DARS1: variants seen among roughly 807,000 people sequenced by gnomAD.
The protein encoded by DARS1 is aspartate--tRNA ligase, cytoplasmic.
Under a neutral mutation model 68.8 loss-of-function variants are expected in DARS1, and 51 were observed. The observed-to-expected ratio is 0.74, with a 90% CI of 0.59 to 0.94. The LOEUF is 0.94. DARS1 is among the 40% of genes least tolerant of loss of function. The pLI, the probability that DARS1 is intolerant of heterozygous loss-of-function variation, is 0.00. For missense variants in DARS1, 607 were observed against 597.3 expected (o/e 1.02, Z -0.17); for synonymous variants, 203 against 190.4 (o/e 1.07, Z -0.55).
At chr2:135,943,282 TTTACA>T (rs1375394562) in intron 5 of DARS1, 91 bp downstream of exon 5, 14 of 1,477,282 alleles carry the variant, frequency 9.5e-6, no homozygotes, top group Non-Finnish European at 1.3e-5. Context: ...ACCTCAGTAT[TTTACA>T]TTAATTAGTA....
chr2:135,973,519 AG>A (rs1682430917), intron 3 of DARS1, among the ~76,000 whole-genome samples: 1 of 152,022 alleles, frequency 6.6e-6, no homozygotes, highest in Admixed American at 6.6e-5. Flanking sequence ...ATAGCAGAAC[AG>A]GGGGACTACA....
intron 7 of DARS1, among the ~76,000 whole-genome samples, chr2:135,930,246 C>T (rs1477454521): frequency 1.3e-5 from 2 of 152,078 alleles, no homozygotes; most frequent in African/African-American, 4.8e-5. Flanking sequence ...CCTAAACATT[C>T]AGGAAAAAAA....
At chr2:135,980,195 C>G (rs1356397597) in intron 2 of DARS1, among the ~76,000 whole-genome samples, 1 of 152,168 alleles carries the variant, frequency 6.6e-6, no homozygotes, top group African/African-American at 2.4e-5. Context: ...AAACAAAATA[C>G]TACATTCATC....
At chr2:135,981,673 G>GTTTTTTTTTTTTTT (rs1682635138) in intron 2 of DARS1, among the ~76,000 whole-genome samples, 2 of 145,948 alleles carry the variant, frequency 1.4e-5, no homozygotes, top group African/African-American at 5.3e-5. Flanking sequence ...AGAAATTTTG[G>GTTTTTTTTTTTTTT]CTTTTTTTTT....
intron 7 of DARS1, among the ~76,000 whole-genome samples, chr2:135,925,654 A>C: frequency 6.6e-6 from 1 of 152,230 alleles, no homozygotes; most frequent in Non-Finnish European, 1.5e-5. Context: ...AAAACAATAA[A>C]ACCATTTCAA....
intron 4 of DARS1, among the ~76,000 whole-genome samples, chr2:135,954,397 A>C (rs1011463574): frequency 1.3e-5 from 2 of 152,054 alleles, no homozygotes; most frequent in Non-Finnish European, 2.9e-5. Context: ...AAAAAAGACA[A>C]AAACAGTATT....
At chr2:135,923,357 T>A (rs1681146976) in intron 8 of DARS1, among the ~76,000 whole-genome samples, 1 of 152,174 alleles carries the variant, frequency 6.6e-6, no homozygotes, top group African/African-American at 2.4e-5. Context: ...TGGCACGATC[T>A]CGGCTCACTG....
At chr2:135,948,877 CAA>C (rs35323281) in intron 4 of DARS1, among the ~76,000 whole-genome samples, 15 of 132,112 alleles carry the variant, frequency 1.1e-4, no homozygotes, top group Non-Finnish European at 1.7e-4. Context: ...CTCCCGTCTC[CAA>C]AAAAAAAAAA....
chr2:135,920,311 T>C, intron 10 of DARS1, 142 bp downstream of exon 10: 2 of 1,317,516 alleles, frequency 1.5e-6, no homozygotes, highest in Non-Finnish European at 9.9e-7. Flanking sequence ...TTCCAACCAA[T>C]TAAATGGATC....
chr2:135,926,745 C>T (rs1336843054), intron 7 of DARS1, among the ~76,000 whole-genome samples: 5 of 152,234 alleles, frequency 3.3e-5, no homozygotes, highest in East Asian at 3.9e-4. Flanking sequence ...ATTGTGCGAG[C>T]GAATTCAGAC....
intron 3 of DARS1, among the ~76,000 whole-genome samples, chr2:135,971,648 A>G (rs1375808654): frequency 6.6e-6 from 1 of 152,190 alleles, no homozygotes; most frequent in East Asian, 1.9e-4. Flanking sequence ...AAGAAGTAAA[A>G]TTATCCTTTT....
At chr2:135,977,232 T>C (rs1282590230) in intron 3 of DARS1, among the ~76,000 whole-genome samples, 3 of 152,362 alleles carry the variant, frequency 2.0e-5, no homozygotes, top group East Asian at 3.9e-4. Context: ...TAGGTATTAA[T>C]ATATACTTGT....
chr2:135,943,391 A>G lies in DARS1; in HGVS notation c.410T>C (p.Leu137Ser). ...IGSCTQQDVE[L>S]HVQKIYVISL... The stretch of plus-strand genomic sequence containing the variant: ...GAAAAAACTTACCTTCTGAACATGT[A>G]ACTCAACGTCTTGCTGTGTACAGCT... Residue 137 changes from leucine (L) to serine (S), a missense_variant, in exon 5 of 16, where the codon TTA becomes TCA. Transcript: ENST00000264161. 6.2e-7 allele frequency: 1 copy of G among 1,612,350 alleles called. No individual in the cohort carries two copies.
chr2:135,958,417 A>G (rs1056624317), intron 4 of DARS1, among the ~76,000 whole-genome samples: 1 of 152,210 alleles, frequency 6.6e-6, no homozygotes, highest in Non-Finnish European at 1.5e-5. Flanking sequence ...GCTAAAACAC[A>G]GTTAACAATT....
intron 3 of DARS1, among the ~76,000 whole-genome samples, chr2:135,969,350 T>C (rs1278437347): frequency 1.3e-5 from 2 of 151,744 alleles, no homozygotes; most frequent in Non-Finnish European, 2.9e-5. Context: ...TATAAAGATT[T>C]GGAAAGACAC....
chr2:135,982,963 T>C (rs1346603315), intron 2 of DARS1, among the ~76,000 whole-genome samples: 2 of 151,996 alleles, frequency 1.3e-5, no homozygotes, highest in African/African-American at 2.4e-5. Flanking sequence ...TCAAGCAAAA[T>C]AGGAATAAAT....
In DARS1 at chr2:135,985,512, C is replaced by A. The variant is rs762833343; in HGVS notation, c.-44G>T. The A allele has an allele frequency of 1.2e-5, 19 of 1,613,842 alleles. No individual in the cohort carries two copies. Among genetic ancestry groups the A allele is most frequent in the Admixed American group, 1.7e-5 (1 of 60,008 alleles). On this transcript the variant is annotated 5_prime_UTR_variant, in exon 1 of 16. Coordinates refer to ENST00000264161, the MANE Select transcript of DARS1 (RefSeq NM_001349.4). ...AGTGGACACCACCCTCCCTCGCAGG[C>A]TTCCGTAAGGCAGGCCAAAGGGGCT... is the stretch of plus-strand genomic sequence containing the variant.
intron 5 of DARS1, 83 bp downstream of exon 5, chr2:135,943,291 ATTAG>A (rs1481062205): frequency 4.0e-6 from 6 of 1,503,638 alleles, no homozygotes; most frequent in South Asian, 2.7e-5. Flanking sequence ...TTTTACATTA[ATTAG>A]TAAGAACATA....
intron 10 of DARS1, 61 bp downstream of exon 10, chr2:135,920,392 T>G (rs1313001730): frequency 6.7e-7 from 1 of 1,501,492 alleles, no homozygotes; most frequent in Non-Finnish European, 8.9e-7. Context: ...GAAGAATTTT[T>G]TTTTTAAAGG....
Sources: gnomAD v4.1 joint callset for allele counts (sites outside exome capture counted in the v4.1 genomes callset) on GRCh38, gnomAD v4.1.1 for gene constraint, MANE v1.5 for transcripts, NCBI Gene and HGNC (gene_info 2026-07-23, HGNC 2026-07-21) for gene names.